Variants in STK31 observed in about 807,000 individuals in gnomAD.
STK31 encodes the protein serine/threonine kinase 31.
STK31 carries 89 observed loss-of-function variants against 129.7 expected under a neutral mutation model. The ratio of observed to expected loss-of-function variants is 0.69; its 90% CI spans 0.58 to 0.82. The LOEUF (loss-of-function observed/expected upper bound fraction) is 0.82. STK31 is among the 40% of genes least tolerant of loss of function. The pLI is 0.00. For missense variants in STK31, 1,187 were observed against 1,176.4 expected, an observed-to-expected ratio of 1.01 and a Z score of -0.13; for synonymous variants, 448 against 395.3, an observed-to-expected ratio of 1.13 and a Z score of -1.58.
chr7:23,824,386 T>C (rs1331244350), intron 23 of STK31, among the ~76,000 whole-genome samples: 2 of 152,210 alleles, frequency 1.3e-5, no homozygotes, highest in Non-Finnish European at 2.9e-5. Context: ...CACTGATGAT[T>C]TGACTCTCTG....
At chr7:23,756,352 C>T (rs1789084095) in intron 10 of STK31, among the ~76,000 whole-genome samples, 1 of 152,118 alleles carries the variant, frequency 6.6e-6, no homozygotes, top group Non-Finnish European at 1.5e-5. Flanking sequence ...ATTTTGTATC[C>T]TGAGACTTTG....
At chr7:23,794,229 G>A (rs1187812681) in intron 22 of STK31, among the ~76,000 whole-genome samples, 1 of 152,162 alleles carries the variant, frequency 6.6e-6, no homozygotes, top group Non-Finnish European at 1.5e-5. Flanking sequence ...CATGGGGGTA[G>A]TTTCCCCCAT....
intron 10 of STK31, among the ~76,000 whole-genome samples, chr7:23,759,025 A>C: frequency 6.6e-6 from 1 of 152,214 alleles, no homozygotes; most frequent in East Asian, 1.9e-4. Context: ...TAAATCAACA[A>C]AGATAAAAAA....
chr7:23,721,778 G>A (rs1308208054), intron 4 of STK31: 5 of 661,572 alleles, frequency 7.6e-6, no homozygotes, highest in East Asian at 2.9e-5. Flanking sequence ...GTTTTGTCCA[G>A]TTCTGCGTTA....
At chr7:23,820,293 T>G (rs1436160181) in intron 23 of STK31, among the ~76,000 whole-genome samples, 5 of 152,186 alleles carry the variant, frequency 3.3e-5, no homozygotes, top group Non-Finnish European at 1.5e-5. Context: ...AAATCAGCCC[T>G]TTGTATCTGT....
intron 8 of STK31, among the ~76,000 whole-genome samples, chr7:23,747,038 A>G (rs1178871796): frequency 6.6e-6 from 1 of 152,076 alleles, no homozygotes; most frequent in Non-Finnish European, 1.5e-5. Flanking sequence ...TCAGGCATCA[A>G]CTATGTTTCT....
chr7:23,754,266 C>T (rs766757115), intron 9 of STK31, 49 bp from the exon 10 acceptor site: 20 of 1,576,320 alleles, frequency 1.3e-5, no homozygotes, highest in East Asian at 9.0e-5. Flanking sequence ...TTTCTCACAC[C>T]AGCTTTCTAA....
chr7:23,754,731 C>T (rs149611649), intron 10 of STK31, among the ~76,000 whole-genome samples: 389 of 152,172 alleles, frequency 2.6e-3, no homozygotes, highest in Middle Eastern at 0.017. Flanking sequence ...CTCCCACTTA[C>T]GAGTGAGAAC....
chr7:23,712,023 T>C, intron 1 of STK31, 76 bp from the exon 2 acceptor site: 2 of 1,223,932 alleles, frequency 1.6e-6, no homozygotes, highest in Non-Finnish European at 2.3e-6. Context: ...TTTGTAAGAA[T>C]TGAACATGAT....
chr7:23,751,321 C>T (rs1368130764), intron 8 of STK31, among the ~76,000 whole-genome samples: 1 of 152,124 alleles, frequency 6.6e-6, no homozygotes, highest in Non-Finnish European at 1.5e-5. Context: ...CTGCAGTAAA[C>T]TTAGGAGTGC....
At chr7:23,747,256 A>G (rs74666108) in intron 8 of STK31, among the ~76,000 whole-genome samples, 2,365 of 152,222 alleles carry the variant, frequency 0.016, 55 homozygotes, top group African/African-American at 0.053. Context: ...TTTTCCTTAA[A>G]TGTTTGGTAG....
intron 23 of STK31, among the ~76,000 whole-genome samples, chr7:23,828,357 A>G (rs1486287608): frequency 2.0e-5 from 3 of 152,198 alleles, no homozygotes; most frequent in Non-Finnish European, 1.5e-5. Context: ...TGTGCTAGCA[A>G]TGAGCGAGGC....
chr7:23,717,402 ATC>A, intron 3 of STK31, 77 bp from the exon 4 acceptor site: 1 of 885,286 alleles, frequency 1.1e-6, no homozygotes, highest in Non-Finnish European at 1.6e-6. Context: ...TTTTAAGTTT[ATC>A]ATGCTTAGAA....
At chr7:23,763,494 C>T (rs1169535165) in intron 11 of STK31, among the ~76,000 whole-genome samples, 1 of 152,148 alleles carries the variant, frequency 6.6e-6, no homozygotes, top group African/African-American at 2.4e-5. Context: ...TCTACTTATT[C>T]AGATCTTTTT....
intron 8 of STK31, among the ~76,000 whole-genome samples, chr7:23,740,291 T>A (rs1340912370): frequency 6.6e-6 from 1 of 152,152 alleles, no homozygotes; most frequent in African/African-American, 2.4e-5. Context: ...CTGAAGCCAT[T>A]TTTTTTCTTT....
At chr7:23,783,814 C>G in intron 17 of STK31, 151 bp downstream of exon 17, 1 of 573,524 alleles carries the variant, frequency 1.7e-6, no homozygotes, top group Non-Finnish European at 2.9e-6. Flanking sequence ...TTTCTTATGA[C>G]CCTTTAATAG....
intron 22 of STK31, among the ~76,000 whole-genome samples, chr7:23,796,073 G>C (rs1791930927): frequency 6.6e-6 from 1 of 152,150 alleles, no homozygotes; most frequent in Admixed American, 6.5e-5. Context: ...ATTTGGAAGG[G>C]GCCTGGGGTG....
At chr7:23,710,522 A>C (rs1179347018) in intron 1 of STK31, 187 bp downstream of exon 1, 4 of 1,448,138 alleles carry the variant, frequency 2.8e-6, no homozygotes, top group Non-Finnish European at 3.6e-6. Flanking sequence ...AGGCAGGCGA[A>C]AGTGGCTCGA....
chr7:23,788,184 C>A, intron 21 of STK31, 55 bp downstream of exon 21: 1 of 1,459,700 alleles, frequency 6.9e-7, no homozygotes, highest in Non-Finnish European at 9.2e-7. Flanking sequence ...TATTATTAAG[C>A]AGTAGTTCAG....
Sources: allele counts gnomAD v4.1 joint callset (sites outside exome capture counted in the v4.1 genomes callset), GRCh38; gene constraint gnomAD v4.1.1; transcripts MANE v1.5; gene names NCBI Gene and HGNC (gene_info 2026-07-23, HGNC 2026-07-21).